GAP43: variants seen among roughly 807,000 people sequenced by gnomAD.
GAP43 encodes the protein growth associated protein 43, also known as neuromodulin.
GAP43 carries 6 observed loss-of-function variants against 18.6 expected under a neutral mutation model. That is an observed-to-expected ratio of 0.32 (90% CI 0.18 to 0.64). The LOEUF is 0.64. Among genes scored for constraint, GAP43 ranks in the 30% least tolerant of loss-of-function variants. The pLI is 0.78. For synonymous variants in GAP43, 115 were observed against 111.4 expected (o/e 1.03, Z -0.20); for missense variants, 292 against 295.5 (o/e 0.99, Z 0.09).
chr3:115,626,201 C>A (rs1428209641), intron 1 of GAP43, among the ~76,000 whole-genome samples: 1 of 152,178 alleles, frequency 6.6e-6, no homozygotes, highest in African/African-American at 2.4e-5. Flanking sequence ...CATCCTTCTG[C>A]TGGCATCTAT....
Position 115,676,301 on chromosome 3 carries a change from A to T in GAP43, c.319A>T (p.Thr107Ser). Residue 107 changes from threonine to serine, a missense_variant, in exon 2 of 3, where the codon ACT (threonine) becomes TCT (serine). Thr to Ser is a moderately conservative substitution (Grantham distance 58, BLOSUM62 1). Transcript: ENST00000305124. ...TGATGAGCCCGGCAAAGCAGGAGAAACTCCTTCCGAGGAGAAGAAGGGGGA... is the reference window on the plus strand; with the variant it reads ...TGATGAGCCCGGCAAAGCAGGAGAATCTCCTTCCGAGGAGAAGAAGGGGGA... The part of the protein sequence containing the change: ...KPDEPGKAGE[T>S]PSEEKKGEGD... 1 of 1,613,882 alleles carries T rather than the reference A, an allele frequency of 6.2e-7. No individual in the cohort carries two copies. Among genetic ancestry groups the T allele is most frequent in the South Asian group, 1.1e-5 (1 of 91,066 alleles).
chr3:115,644,240 ATTAT>A lies in GAP43; in HGVS notation c.30+20535_30+20538del, dbSNP rs1420479295. On this transcript the variant is annotated intron_variant, in intron 1 of 2. Coordinates refer to ENST00000305124, the MANE Select transcript of GAP43 (RefSeq NM_002045.4). This position sits in a 1 kb window ranked among gnomAD's most constrained non-coding sequence, Gnocchi z 4.2. ...TCATTAAATTGTCAAGTGTAACTGTATTATTTATTTATTTATTGCAGGCACTGTA... is the reference window on the plus strand; with the variant it reads ...TCATTAAATTGTCAAGTGTAACTGTATTATTTATTTATTGCAGGCACTGTA... Among the ~76,000 whole-genome samples the A allele has an allele frequency of 6.6e-6, 1 of 152,028 alleles. No individual in the cohort carries two copies. Among genetic ancestry groups the A allele is most frequent in the Non-Finnish European group, 1.5e-5 (1 of 67,970 alleles).
At chr3:115,684,400 G>A (rs1020131381) in intron 2 of GAP43, among the ~76,000 whole-genome samples, 1 of 152,116 alleles carries the variant, frequency 6.6e-6, no homozygotes, top group Non-Finnish European at 1.5e-5. Context: ...CTTCCCTGGT[G>A]TATGACAAAG....
chr3:115,695,734 C>T (rs1709179639), intron 2 of GAP43, among the ~76,000 whole-genome samples: 1 of 152,086 alleles, frequency 6.6e-6, no homozygotes, highest in Non-Finnish European at 1.5e-5. Context: ...CTCCTACCCA[C>T]TCCCCAAACT....
Position 115,635,266 on chromosome 3 carries a change from G to A in GAP43, c.30+11547G>A, listed in dbSNP as rs145166917. Reference sequence around the variant, plus strand: ...ATATTCATTTGAAAAAGTCTTTCACGATAATCCTCTTCAGTGTGCCTCAGG... The same window carrying A: ...ATATTCATTTGAAAAAGTCTTTCACAATAATCCTCTTCAGTGTGCCTCAGG... On this transcript the variant is annotated intron_variant, in intron 1 of 2. Transcript: ENST00000305124. Among the ~76,000 whole-genome samples the A allele has an allele frequency of 4.9e-3, 742 of 152,214 alleles. 8 individuals carry two copies. The highest frequency in any genetic ancestry group is 7.6e-3 in the Admixed American group (116 of 15,266).
chr3:115,719,737 A>C (rs1709553913), intron 2 of GAP43, among the ~76,000 whole-genome samples: 1 of 152,166 alleles, frequency 6.6e-6, no homozygotes, highest in Non-Finnish European at 1.5e-5. Context: ...TTTAGTTATG[A>C]AGCAGACTGC....
At chr3:115,690,778 C>G (rs7648744) in intron 2 of GAP43, among the ~76,000 whole-genome samples, 1 of 118,672 alleles carries the variant, frequency 8.4e-6, no homozygotes, top group Non-Finnish European at 1.6e-5. Context: ...TTTTTTGAGA[C>G]GGAGTCTCCC....
chr3:115,718,426 A>G (rs1398879723), intron 2 of GAP43, among the ~76,000 whole-genome samples: 1 of 152,178 alleles, frequency 6.6e-6, no homozygotes, highest in African/African-American at 2.4e-5. Flanking sequence ...AAAATTAAAT[A>G]CCTCATTAGC....
chr3:115,717,347 T>TC (rs1211171073), intron 2 of GAP43, among the ~76,000 whole-genome samples: 1 of 151,548 alleles, frequency 6.6e-6, no homozygotes, highest in African/African-American at 2.4e-5. Context: ...TTCACTTTTG[T>TC]CCCCCAGGCC....
intron 1 of GAP43, among the ~76,000 whole-genome samples, chr3:115,641,106 C>T (rs1219731784): frequency 6.7e-6 from 1 of 149,540 alleles, no homozygotes; most frequent in Admixed American, 6.7e-5. Context: ...CTCAAGCAAT[C>T]CTCCTGCCTT....
At chr3:115,657,255 G>A (rs970850782) in intron 1 of GAP43, among the ~76,000 whole-genome samples, 1 of 152,226 alleles carries the variant, frequency 6.6e-6, no homozygotes, top group Non-Finnish European at 1.5e-5. Flanking sequence ...AAGTGGAAGT[G>A]TAGGAGAGGT....
At chr3:115,720,665 C>G (rs1414369602) in intron 2 of GAP43, 129 bp from the exon 3 acceptor site, 2 of 582,818 alleles carry the variant, frequency 3.4e-6, no homozygotes, top group Non-Finnish European at 6.1e-6. Flanking sequence ...TATTAATAAT[C>G]TCTTTTAATC....
rs115884787 is a variant in GAP43, at chr3:115,707,178, T to G, written c.629-13616T>G. On this transcript the variant is annotated intron_variant, in intron 2 of 2. Coordinates refer to ENST00000305124, the MANE Select transcript of GAP43 (RefSeq NM_002045.4). Reference sequence around the variant, plus strand: ...GATATGGACTTTAAATGAACACATTTAATTGTCATAACAACCCCATGAGGT... The same window carrying G: ...GATATGGACTTTAAATGAACACATTGAATTGTCATAACAACCCCATGAGGT... Among the ~76,000 whole-genome samples the G allele has an allele frequency of 2.0e-3, 309 of 152,364 alleles. 2 individuals carry two copies. Among genetic ancestry groups the G allele is most frequent in the African/African-American group, 7.2e-3 (298 of 41,586 alleles).
chr3:115,721,132 G>A lies in GAP43; in HGVS notation c.*250G>A, dbSNP rs886978383. 1 of 244,140 alleles carries A rather than the reference G, an allele frequency of 4.1e-6. No homozygotes were observed. The highest frequency in any genetic ancestry group is 8.0e-6 in the Non-Finnish European group (1 of 125,132). 15.1% of individuals were successfully genotyped at this position (244,140 alleles called of 1,614,324 possible). ...TTGTTTCTTGGTGTTGTTATGGCAA[G>A]TTTTTGGTAATGATGATTCAATCAT... On this transcript the variant is annotated 3_prime_UTR_variant, in exon 3 of 3. Transcript: ENST00000305124.
chr3:115,623,942 A>G (rs956550373), intron 1 of GAP43, among the ~76,000 whole-genome samples: 1 of 151,884 alleles, frequency 6.6e-6, no homozygotes, highest in East Asian at 1.9e-4. Flanking sequence ...TAGAAAAAAC[A>G]TGCCTGTTTG....
intron 1 of GAP43, chr3:115,661,171 C>G (rs1247335427): frequency 2.0e-5 from 3 of 152,166 alleles, no homozygotes; most frequent in Non-Finnish European, 2.9e-5. Context: ...CCAGCTGCAG[C>G]TCATTGCACT....
rs775179491 is a variant in GAP43 at position 115,676,090 on chromosome 3, C to G, written c.108C>G (p.Thr36=). The change falls in exon 2 of 3, where the codon ACC becomes ACG. Residue 36 remains threonine, a synonymous_variant. Transcript: ENST00000305124. ...AAGATAAAGCTCATAAGGCCGCAACCAAAATTCAGGCTAGCTTCCGTGGAC... is the reference window on the plus strand; with the variant it reads ...AAGATAAAGCTCATAAGGCCGCAACGAAAATTCAGGCTAGCTTCCGTGGAC... The part of the protein sequence containing the change: ...KPEDKAHKAA[T]KIQASFRGHI... The G allele has an allele frequency of 6.2e-7, 1 of 1,614,080 alleles. No homozygotes were observed. Among genetic ancestry groups the G allele is most frequent in the Non-Finnish European group, 8.5e-7 (1 of 1,180,032 alleles).
At chr3:115,666,630 G>A (rs967836231) in intron 1 of GAP43, among the ~76,000 whole-genome samples, 14 of 152,128 alleles carry the variant, frequency 9.2e-5, no homozygotes, top group South Asian at 8.3e-4. Context: ...CAATGGGATA[G>A]TTTTTTTATT....
chr3:115,665,990 GTGT>G (rs1559795758), intron 1 of GAP43, among the ~76,000 whole-genome samples: 4 of 11,012 alleles, frequency 3.6e-4, no homozygotes, highest in Non-Finnish European at 1.0e-3. Context: ...GGCTAAATGA[GTGT>G]GTGTGTGTGT....
Sources: allele counts gnomAD v4.1 joint callset (sites outside exome capture counted in the v4.1 genomes callset), GRCh38; gene constraint gnomAD v4.1.1; non-coding constraint Gnocchi (gnomAD v3.1); transcripts MANE v1.5; gene names NCBI Gene and HGNC (gene_info 2026-07-23, HGNC 2026-07-21).